ARHGAP42: variants seen among roughly 807,000 people sequenced by gnomAD.
The protein encoded by ARHGAP42 is rho GTPase-activating protein 42.
In ARHGAP42, 63 loss-of-function variants were observed where a neutral mutation model predicts 125.0. The ratio of observed to expected loss-of-function variants is 0.50; its 90% confidence interval spans 0.41 to 0.62. The LOEUF (loss-of-function observed/expected upper bound fraction) is 0.62. ARHGAP42 is among the 20% of genes least tolerant of loss of function. The pLI is 0.00. For synonymous variants in ARHGAP42, 339 were observed against 351.0 expected (o/e 0.97, Z 0.38); for missense variants, 766 against 1,024.2 (o/e 0.75, Z 3.44).
At chr11:100,863,053 A>C (rs1259042121) in intron 4 of ARHGAP42, among the ~76,000 whole-genome samples, 2 of 64,928 alleles carry the variant, frequency 3.1e-5, no homozygotes, top group East Asian at 1.7e-3. Flanking sequence ...AAAAAAAAAA[A>C]CACAAAACAC....
At chr11:100,734,500 C>T (rs914411827) in intron 1 of ARHGAP42, among the ~76,000 whole-genome samples, 3 of 151,940 alleles carry the variant, frequency 2.0e-5, no homozygotes, top group South Asian at 2.1e-4. Flanking sequence ...AGGCTGGTCT[C>T]GAACTCCAGA....
chr11:100,922,919 G>A (rs1006668330), intron 6 of ARHGAP42, among the ~76,000 whole-genome samples: 1 of 152,198 alleles, frequency 6.6e-6, no homozygotes, highest in African/African-American at 2.4e-5. Context: ...CTCAGGCTCA[G>A]GGATTTAACT....
At chr11:100,716,255 G>A (rs1030094182) in intron 1 of ARHGAP42, among the ~76,000 whole-genome samples, 1 of 152,142 alleles carries the variant, frequency 6.6e-6, no homozygotes, top group Non-Finnish European at 1.5e-5. Flanking sequence ...ATCATCATGT[G>A]TTGAGTACAG....
intron 1 of ARHGAP42, among the ~76,000 whole-genome samples, chr11:100,729,260 T>G (rs1861915288): frequency 1.3e-5 from 2 of 152,084 alleles, no homozygotes; most frequent in African/African-American, 4.8e-5. Flanking sequence ...ATAAACATAC[T>G]GAGTAGATAT....
At chr11:100,918,957 C>G (rs1867158763) in intron 5 of ARHGAP42, among the ~76,000 whole-genome samples, 3 of 152,142 alleles carry the variant, frequency 2.0e-5, no homozygotes, top group Non-Finnish European at 4.4e-5. Context: ...AGACCACCCC[C>G]AGCTTTGGTA....
intron 4 of ARHGAP42, among the ~76,000 whole-genome samples, chr11:100,860,842 C>T (rs560343445): frequency 3.9e-5 from 6 of 152,222 alleles, no homozygotes; most frequent in African/African-American, 9.6e-5. Flanking sequence ...GAGCAATTTT[C>T]GAGTGAAGGA....
At chr11:100,755,335 A>G (rs1862547604) in intron 1 of ARHGAP42, among the ~76,000 whole-genome samples, 1 of 152,240 alleles carries the variant, frequency 6.6e-6, no homozygotes, top group Non-Finnish European at 1.5e-5. Flanking sequence ...GCACTACACA[A>G]CATCTGAATG....
Position 100,988,720 on chromosome 11 carries a change from A to G in ARHGAP42, c.2544A>G (p.Pro848=), listed in dbSNP as rs1289060360. Residue 848 remains proline (P), a synonymous_variant, in exon 24 of 24, where the codon CCA becomes CCG. Transcript: ENST00000298815. ...PQGAIFSNVY[P]SVEPGWLKAT... The stretch of plus-strand genomic sequence containing the variant: ...ATTTATTTATTTTGCCAGTGTACCC[A>G]TCAGTGGAACCAGGATGGTTAAAGG... 1.2e-5 allele frequency: 18 copies of G among 1,549,702 alleles called. No homozygotes were observed. The Admixed American group carries it at 1.4e-4, about 12-fold the overall frequency.
chr11:100,900,947 G>A (rs1281454870), intron 4 of ARHGAP42, among the ~76,000 whole-genome samples: 1 of 152,020 alleles, frequency 6.6e-6, no homozygotes. Flanking sequence ...GAGGAGCTGC[G>A]ATCTTTTGGA....
At chr11:100,979,444 G>T (rs913757198) in intron 22 of ARHGAP42, among the ~76,000 whole-genome samples, 4 of 151,378 alleles carry the variant, frequency 2.6e-5, no homozygotes, top group African/African-American at 9.7e-5. Flanking sequence ...TATCCTTAAG[G>T]ATCTCAGAGA....
At chr11:100,708,172 A>G (rs1565536206) in intron 1 of ARHGAP42, among the ~76,000 whole-genome samples, 2 of 152,166 alleles carry the variant, frequency 1.3e-5, no homozygotes, top group Admixed American at 6.5e-5. Context: ...AATGAAGATT[A>G]AGTCCCTTTT....
At chr11:100,831,230 G>A (rs778666922) in intron 3 of ARHGAP42, among the ~76,000 whole-genome samples, 1 of 152,112 alleles carries the variant, frequency 6.6e-6, no homozygotes, top group Non-Finnish European at 1.5e-5. Flanking sequence ...ATACAGAGGA[G>A]TGGACCTTGT....
chr11:100,853,710 A>T (rs1290661178), intron 3 of ARHGAP42, among the ~76,000 whole-genome samples: 4 of 152,114 alleles, frequency 2.6e-5, no homozygotes, highest in Non-Finnish European at 5.9e-5. Flanking sequence ...CCTTATGAGT[A>T]TAGATGGTTT....
intron 1 of ARHGAP42, among the ~76,000 whole-genome samples, chr11:100,732,535 T>G (rs1861978705): frequency 6.6e-6 from 1 of 152,188 alleles, no homozygotes; most frequent in South Asian, 2.1e-4. Flanking sequence ...CATGTCTGGC[T>G]TGGAAGATTT....
chr11:100,875,962 G>C (rs957656160), intron 4 of ARHGAP42, among the ~76,000 whole-genome samples: 1 of 152,098 alleles, frequency 6.6e-6, no homozygotes, highest in Non-Finnish European at 1.5e-5. Context: ...GCACAGTTGG[G>C]TGGTTGTGTA....
chr11:100,801,099 A>C (rs992222467), intron 3 of ARHGAP42, among the ~76,000 whole-genome samples: 1 of 152,190 alleles, frequency 6.6e-6, no homozygotes, highest in African/African-American at 2.4e-5. Context: ...TTTGAACATT[A>C]TGTCTGTACT....
chr11:100,766,794 T>C (rs764388612), intron 1 of ARHGAP42, among the ~76,000 whole-genome samples: 3 of 152,162 alleles, frequency 2.0e-5, no homozygotes, highest in Non-Finnish European at 2.9e-5. Flanking sequence ...AGGAAGAAGA[T>C]CAAGAACCCG....
intron 8 of ARHGAP42, among the ~76,000 whole-genome samples, chr11:100,939,649 T>C (rs1405608662): frequency 6.6e-6 from 1 of 152,202 alleles, no homozygotes; most frequent in Non-Finnish European, 1.5e-5. Context: ...CTTAAATGAT[T>C]ACTGGGTAAA....
intron 22 of ARHGAP42, among the ~76,000 whole-genome samples, chr11:100,981,546 G>T (rs1337858575): frequency 6.6e-6 from 1 of 152,192 alleles, no homozygotes; most frequent in East Asian, 1.9e-4. Context: ...AGACCAGTTG[G>T]GAGATTTTAG....
Sources: gnomAD v4.1 joint callset for allele counts (sites outside exome capture counted in the v4.1 genomes callset) on GRCh38, gnomAD v4.1.1 for gene constraint, MANE v1.5 for transcripts, NCBI Gene and HGNC (gene_info 2026-07-23, HGNC 2026-07-21) for gene names.